Variants in BMP6 observed in about 807,000 individuals in gnomAD.
BMP6 encodes the protein VG-1-R.
A neutral mutation model predicts 54.1 loss-of-function variants in BMP6; 17 were observed. The observed-to-expected ratio is 0.31, with a 90% CI of 0.22 to 0.47. The LOEUF (loss-of-function observed/expected upper bound fraction) is 0.47. BMP6 is among the 20% of genes least tolerant of loss of function. The pLI, the probability that BMP6 is intolerant of heterozygous loss-of-function variation, is 1.00. For missense variants in BMP6, 720 were observed against 690.4 expected, an observed-to-expected ratio of 1.04 and a Z score of -0.48; for synonymous variants, 328 against 291.2, an observed-to-expected ratio of 1.13 and a Z score of -1.28.
chr6:7,834,022 G>A (rs747598172), intron 1 of BMP6, among the ~76,000 whole-genome samples: 6 of 152,052 alleles, frequency 3.9e-5, no homozygotes, highest in Non-Finnish European at 8.8e-5. Flanking sequence ...TAAAAGTTGG[G>A]TTTCTGTGAA....
chr6:7,800,906 G>A (rs1036286234), intron 1 of BMP6, among the ~76,000 whole-genome samples: 2 of 133,528 alleles, frequency 1.5e-5, no homozygotes, highest in South Asian at 2.2e-4. Flanking sequence ...AAAATAAAGC[G>A]GGGGGAGGGG....
At chr6:7,728,949 T>TG (rs1205385495) in intron 1 of BMP6, among the ~76,000 whole-genome samples, 1 of 152,026 alleles carries the variant, frequency 6.6e-6, no homozygotes, top group South Asian at 2.1e-4. Flanking sequence ...GGAGAGAACA[T>TG]GGGGGGTAAG....
At chr6:7,815,392 G>GAATT (rs1561780903) in intron 1 of BMP6, among the ~76,000 whole-genome samples, 1 of 152,234 alleles carries the variant, frequency 6.6e-6, no homozygotes, top group African/African-American at 2.4e-5. Flanking sequence ...TAAGCTTTAA[G>GAATT]AATTGGAGCA....
Position 7,856,150 on chromosome 6 carries a change from G to A in BMP6, c.858-5301G>A, listed in dbSNP as rs534591730. Reference sequence around the variant, plus strand: ...AAAAAAAAAAAAAAAAAAAATGCAAGTGTAGCCAAATAATGTTCATTCATC... The same window carrying A: ...AAAAAAAAAAAAAAAAAAAATGCAAATGTAGCCAAATAATGTTCATTCATC... On this transcript the variant is annotated intron_variant, in intron 2 of 6. Coordinates refer to ENST00000283147, the MANE Select transcript of BMP6 (RefSeq NM_001718.6). Among the ~76,000 whole-genome samples, 37 of 107,966 alleles carry A rather than the reference G, an allele frequency of 3.4e-4. No individual in the cohort carries two copies. In the East Asian group the frequency reaches 0.013, roughly 37 times the overall value. The allele number at this position is 107,966 out of a possible 152,430, so 70.8% of individuals were successfully genotyped here. A position where few individuals can be genotyped will look rare whatever the true frequency, so the allele number is the denominator to read the frequency against.
At chr6:7,728,444 G>C (rs1018059622) in intron 1 of BMP6, among the ~76,000 whole-genome samples, 3 of 152,162 alleles carry the variant, frequency 2.0e-5, no homozygotes, top group Non-Finnish European at 2.9e-5. Context: ...ATTCACGGGC[G>C]GCTAAATGGA....
intron 1 of BMP6, among the ~76,000 whole-genome samples, chr6:7,798,979 T>C (rs1758232037): frequency 6.6e-6 from 1 of 152,246 alleles, no homozygotes; most frequent in African/African-American, 2.4e-5. Context: ...ACATCATTTT[T>C]AATTATTACC....
intron 1 of BMP6, among the ~76,000 whole-genome samples, chr6:7,838,381 G>T (rs1001288062): frequency 3.3e-5 from 5 of 152,144 alleles, no homozygotes; most frequent in African/African-American, 1.2e-4. Flanking sequence ...GGGGAAAATT[G>T]TATAACTTGA....
At chr6:7,849,388 A>G (rs1024123509) in intron 2 of BMP6, among the ~76,000 whole-genome samples, 1 of 152,178 alleles carries the variant, frequency 6.6e-6, no homozygotes, top group Non-Finnish European at 1.5e-5. Flanking sequence ...AATTTACACA[A>G]AAGTATTATA....
intron 1 of BMP6, among the ~76,000 whole-genome samples, chr6:7,768,550 A>G (rs928346034): frequency 1.3e-5 from 2 of 152,122 alleles, no homozygotes; most frequent in Non-Finnish European, 1.5e-5. Context: ...GCTTCTGAGC[A>G]TGGGTCTCAA....
intron 1 of BMP6, among the ~76,000 whole-genome samples, chr6:7,739,410 C>T (rs1192980143): frequency 6.6e-6 from 1 of 152,046 alleles, no homozygotes; most frequent in Non-Finnish European, 1.5e-5. Flanking sequence ...TTTTTCTGCA[C>T]AAAAATACAA....
chr6:7,825,401 G>A (rs769327387), intron 1 of BMP6, among the ~76,000 whole-genome samples: 4 of 152,116 alleles, frequency 2.6e-5, no homozygotes, highest in Non-Finnish European at 5.9e-5. Context: ...AACAAAATCT[G>A]GCCATCTCTG....
intron 4 of BMP6, among the ~76,000 whole-genome samples, chr6:7,872,955 G>C (rs1489170961): frequency 2.0e-5 from 3 of 151,854 alleles, no homozygotes; most frequent in Non-Finnish European, 4.4e-5. Context: ...CGAGACCACA[G>C]GCACACACCA....
intron 1 of BMP6, among the ~76,000 whole-genome samples, chr6:7,826,792 C>T (rs1478005262): frequency 6.6e-6 from 1 of 152,198 alleles, no homozygotes; most frequent in Non-Finnish European, 1.5e-5. Flanking sequence ...AGTCACCTCT[C>T]ATGGGAGCAC....
At chr6:7,797,331 AC>A (rs1165836222) in intron 1 of BMP6, among the ~76,000 whole-genome samples, 10 of 152,188 alleles carry the variant, frequency 6.6e-5, no homozygotes, top group Non-Finnish European at 1.5e-5. Flanking sequence ...ATGAGCTGTT[AC>A]ACATCCCGAG....
chr6:7,834,185 CTTTTTTTTTTTT>C (rs34020369), intron 1 of BMP6, among the ~76,000 whole-genome samples: 1 of 107,624 alleles, frequency 9.3e-6, no homozygotes, highest in Non-Finnish European at 1.9e-5. Context: ...AGAACAAATG[CTTTTTTTTTTTT>C]TTTTTTTTAG....
At chr6:7,866,995 C>T (rs945555597) in intron 4 of BMP6, among the ~76,000 whole-genome samples, 2 of 152,178 alleles carry the variant, frequency 1.3e-5, no homozygotes, top group Non-Finnish European at 2.9e-5. Flanking sequence ...CTCAGCCTCC[C>T]AAGTAGCTGG....
At chr6:7,855,562 T>C (rs1463225226) in intron 2 of BMP6, among the ~76,000 whole-genome samples, 4 of 141,078 alleles carry the variant, frequency 2.8e-5, no homozygotes, top group Admixed American at 7.1e-5. Context: ...TCTTTTTTTT[T>C]TTTTTTTTTT....
chr6:7,776,647 G>C (rs544303605), intron 1 of BMP6, among the ~76,000 whole-genome samples: 1 of 152,138 alleles, frequency 6.6e-6, no homozygotes, highest in African/African-American at 2.4e-5. Context: ...TATTAGGTAC[G>C]AATACTTGTG....
chr6:7,733,326 G>T (rs755662697), intron 1 of BMP6, among the ~76,000 whole-genome samples: 14 of 152,164 alleles, frequency 9.2e-5, no homozygotes, highest in Non-Finnish European at 1.6e-4. Context: ...CATCTTTGGT[G>T]CTTCCAGTAG....
Sources: gnomAD v4.1 joint callset for allele counts (sites outside exome capture counted in the v4.1 genomes callset) on GRCh38, gnomAD v4.1.1 for gene constraint, MANE v1.5 for transcripts, NCBI Gene and HGNC (gene_info 2026-07-23, HGNC 2026-07-21) for gene names.